CHD1L: variants seen among roughly 807,000 people sequenced by gnomAD.
The protein encoded by CHD1L is chromodomain helicase DNA binding protein 1 like.
Under a neutral mutation model 115.9 loss-of-function variants are expected in CHD1L, and 118 were observed. That is an observed-to-expected ratio of 1.02 (90% confidence interval 0.88 to 1.19). The LOEUF (loss-of-function observed/expected upper bound fraction) is 1.19, where lower values mean the gene tolerates loss of function less well. Ranked by LOEUF, CHD1L falls within the 50% of genes most tolerant of loss-of-function variation. CHD1L has a pLI of 0.00. For missense variants in CHD1L, 1,179 were observed against 1,065.3 expected, an observed-to-expected ratio of 1.11 and a Z score of -1.49; for synonymous variants, 411 against 387.1, an observed-to-expected ratio of 1.06 and a Z score of -0.72.
chr1:147,295,075 AT>A (rs1687042944), intron 22 of CHD1L, among the ~76,000 whole-genome samples: 1 of 152,224 alleles, frequency 6.6e-6, no homozygotes, highest in Non-Finnish European at 1.5e-5. Flanking sequence ...GAGTCCCAAA[AT>A]TACTAGAGAA....
upstream of CHD1L, among the ~76,000 whole-genome samples, chr1:147,239,566 A>G (rs1664705120): frequency 6.6e-6 from 1 of 152,172 alleles, no homozygotes; most frequent in African/African-American, 2.4e-5. Flanking sequence ...TGCCCAGACT[A>G]CTGCAATAGT....
intron 10 of CHD1L, among the ~76,000 whole-genome samples, chr1:147,270,373 T>C (rs1222379541): frequency 6.6e-6 from 1 of 152,182 alleles, no homozygotes; most frequent in Non-Finnish European, 1.5e-5. Context: ...GAGACATCAC[T>C]TACCCCTTGC....
At chr1:147,216,689 G>A in the CHD1L span, among the ~76,000 whole-genome samples, 4 of 152,100 alleles carry the variant, frequency 2.6e-5, no homozygotes, top group African/African-American at 9.7e-5. Flanking sequence ...TGAAATTTGA[G>A]AACCACTGCT....
At chr1:147,221,223 C>T in the CHD1L span, among the ~76,000 whole-genome samples, 1 of 152,018 alleles carries the variant, frequency 6.6e-6, no homozygotes, top group African/African-American at 2.4e-5. Context: ...TGGATGGGAT[C>T]CTGGAACAGC....
At chr1:147,200,366 G>T in the CHD1L span, among the ~76,000 whole-genome samples, 1 of 151,914 alleles carries the variant, frequency 6.6e-6, no homozygotes, top group African/African-American at 2.4e-5. Context: ...GGCTTTTTCA[G>T]TTGTACTTCA....
chr1:147,210,892 T>C, the CHD1L span: 2 of 152,150 alleles, frequency 1.3e-5, no homozygotes, highest in African/African-American at 4.8e-5. Flanking sequence ...AAATTAATAT[T>C]GAAAAAAAGG....
At chr1:147,216,559 T>C in the CHD1L span, among the ~76,000 whole-genome samples, 6 of 152,304 alleles carry the variant, frequency 3.9e-5, no homozygotes, top group African/African-American at 1.4e-4. Context: ...CTCCTTGCAA[T>C]TTACCTAGCC....
At chr1:147,264,710 C>T (rs1244102928) in intron 7 of CHD1L, 126 bp downstream of exon 7, 17 of 907,316 alleles carry the variant, frequency 1.9e-5, no homozygotes, top group Middle Eastern at 6.5e-4. Context: ...GGAGACAGAC[C>T]GCTGATATTA....
At chr1:147,190,964 G>C in the CHD1L span, among the ~76,000 whole-genome samples, 2 of 151,978 alleles carry the variant, frequency 1.3e-5, no homozygotes, top group Non-Finnish European at 2.9e-5. Flanking sequence ...ATAGTTTGCT[G>C]AGAATGATGG....
At chr1:147,196,090 T>A in the CHD1L span, among the ~76,000 whole-genome samples, 1 of 152,168 alleles carries the variant, frequency 6.6e-6, no homozygotes, top group African/African-American at 2.4e-5. Context: ...GTCTTCTCAT[T>A]ATCAGGCTAA....
the CHD1L span, among the ~76,000 whole-genome samples, chr1:147,227,869 C>T: frequency 1.3e-5 from 2 of 152,204 alleles, no homozygotes; most frequent in African/African-American, 2.4e-5. Context: ...CTTTCTATTA[C>T]GTTTGCATTT....
rs782782042 is a variant in CHD1L at position 147,295,510 on chromosome 1, G to T, written c.*1G>T. On this transcript the variant is annotated 3_prime_UTR_variant, in exon 23 of 23. Coordinates refer to ENST00000369258, the MANE Select transcript of CHD1L (RefSeq NM_004284.6). The stretch of plus-strand genomic sequence containing the variant: ...CTCCTCAAGACAGCTGGTGCCTTAA[G>T]AATTGGCCCAGCCTCAGATCCTGTC... 13 of 1,605,612 alleles carry T rather than the reference G, an allele frequency of 8.1e-6. No individual in the cohort carries two copies. Among genetic ancestry groups the T allele is most frequent in the Non-Finnish European group, 1.1e-5 (13 of 1,174,442 alleles).
chr1:147,178,251 C>T, the CHD1L span: 1 of 1,613,640 alleles, frequency 6.2e-7, no homozygotes, highest in South Asian at 1.1e-5. Context: ...GCTCTGCGGG[C>T]CTCATGCTCG....
At chr1:147,186,481 G>A in the CHD1L span, 1 of 974,906 alleles carries the variant, frequency 1.0e-6, no homozygotes. Flanking sequence ...CTAAAATTGA[G>A]CTTCTAATAG....
rs587718472 is a variant in CHD1L at position 147,294,447 on chromosome 1, G to A, written c.2545G>A (p.Gly849Ser). Residue 849 changes from glycine to serine, a missense_variant, in exon 22 of 23, where the codon GGT becomes AGT. Physicochemically the swap from Gly to Ser is moderately conservative, Grantham distance 56 (BLOSUM62 0). Transcript: ENST00000369258. ...HLPRIGHATKGFNWYGTERLI... is the reference protein window; with the variant it reads ...HLPRIGHATKSFNWYGTERLI... ...TCCACGTATTGGACATGCCACGAAA[G>A]GTTTTAACTGGTATGGTACTGAGCG... is the stretch of plus-strand genomic sequence containing the variant. The A allele has an allele frequency of 8.7e-6, 14 of 1,612,858 alleles. No individual in the cohort carries two copies. In the East Asian group the frequency reaches 1.1e-4, roughly 13 times the overall value.
chr1:147,256,416 G>T, intron 4 of CHD1L, 115 bp from the exon 5 acceptor site: 2 of 922,114 alleles, frequency 2.2e-6, no homozygotes, highest in South Asian at 1.6e-5. Flanking sequence ...TTTACTTAGT[G>T]AACAAATGAG....
chr1:147,262,965 A>G (rs1244148999), intron 6 of CHD1L, among the ~76,000 whole-genome samples: 1 of 152,136 alleles, frequency 6.6e-6, no homozygotes, highest in African/African-American at 2.4e-5. Context: ...AGTAATGTAT[A>G]TATGCATATA....
At chr1:147,285,863 A>AT (rs761688324) in intron 17 of CHD1L, among the ~76,000 whole-genome samples, 7 of 151,674 alleles carry the variant, frequency 4.6e-5, no homozygotes, top group South Asian at 4.2e-4. Context: ...TGCCTGGCTA[A>AT]TTTTTTTTAT....
upstream of CHD1L, among the ~76,000 whole-genome samples, chr1:147,238,721 T>C (rs1380943076): frequency 1.3e-5 from 2 of 152,206 alleles, no homozygotes; most frequent in African/African-American, 4.8e-5. Context: ...ATAACAATCA[T>C]ATGCCCTAGA....
Sources: allele counts gnomAD v4.1 joint callset (sites outside exome capture counted in the v4.1 genomes callset), GRCh38; gene constraint gnomAD v4.1.1; transcripts MANE v1.5; gene names NCBI Gene and HGNC (gene_info 2026-07-23, HGNC 2026-07-21).